Variants in CEP78 observed in about 807,000 individuals in gnomAD.
CEP78 encodes the protein centrosomal protein of 78 kDa.
A neutral mutation model predicts 81.2 loss-of-function variants in CEP78; 76 were observed. That is an observed-to-expected ratio of 0.94 (90% CI 0.78 to 1.13). The LOEUF (loss-of-function observed/expected upper bound fraction) is 1.13, where lower values mean the gene tolerates loss of function less well. Ranked by LOEUF, CEP78 falls within the 50% of genes most tolerant of loss-of-function variation. The pLI, the probability that CEP78 is intolerant of heterozygous loss-of-function variation, is 0.00. For synonymous variants in CEP78, 293 were observed against 301.4 expected (o/e 0.97, Z 0.29); for missense variants, 918 against 846.8 (o/e 1.08, Z -1.04).
chr9:78,241,272 G>A (rs2118133997), intron 3 of CEP78, among the ~76,000 whole-genome samples: 1 of 152,202 alleles, frequency 6.6e-6, no homozygotes, highest in South Asian at 2.1e-4. Context: ...TAGTACATTA[G>A]GTGCTCTAGT....
chr9:78,250,973 G>A (rs1563985834), intron 8 of CEP78, among the ~76,000 whole-genome samples: 1 of 152,146 alleles, frequency 6.6e-6, no homozygotes, highest in African/African-American at 2.4e-5. Context: ...TCTTGTAGAT[G>A]CTGTCCTAAA....
intron 1 of CEP78, among the ~76,000 whole-genome samples, chr9:78,238,299 G>A (rs889885643): frequency 6.6e-6 from 1 of 152,172 alleles, no homozygotes; most frequent in African/African-American, 2.4e-5. Context: ...ATGAGATTGG[G>A]GGTGGGAGGA....
chr9:78,268,891 C>G (rs1184768926), intron 16 of CEP78, among the ~76,000 whole-genome samples: 1 of 152,110 alleles, frequency 6.6e-6, no homozygotes, highest in East Asian at 1.9e-4. Flanking sequence ...CTCCTGACCT[C>G]GTGATCCACC....
chr9:78,263,480 T>A lies in CEP78; in HGVS notation c.1458+496T>A, dbSNP rs182782762. Among the ~76,000 whole-genome samples, 17 of 152,316 alleles carry A rather than the reference T, an allele frequency of 1.1e-4. 1 individual carries two copies. In the East Asian group the frequency reaches 3.3e-3, roughly 29 times the overall value. Reference sequence around the variant, plus strand: ...TAAACTAGAAAGTTCTACATAACTATAATTTATTATTACAAAGCAAGTTTA... The same window carrying A: ...TAAACTAGAAAGTTCTACATAACTAAAATTTATTATTACAAAGCAAGTTTA... On this transcript the variant is annotated intron_variant, in intron 12 of 16. Coordinates refer to ENST00000643273, the MANE Select transcript of CEP78 (RefSeq NM_001330691.3).
At chr9:78,250,420 G>A (rs1279322749) in intron 8 of CEP78, 2 of 388,324 alleles carry the variant, frequency 5.2e-6, no homozygotes, top group African/African-American at 4.1e-5. Context: ...AACAAGATAA[G>A]TAAATTAGTT....
rs1448368430 is a variant in CEP78, at chr9:78,243,447, A to C, written c.604-15A>C. ...TATCCAAGTGTATTAATTTCATCTT[A>C]TTAAATCTTTGAAGTATCAGACCAT... On this transcript the variant is annotated splice_polypyrimidine_tract_variant and intron_variant, in intron 4 of 16. Transcript: ENST00000643273. 6.2e-7 allele frequency: 1 copy of C among 1,606,752 alleles called. No homozygotes were observed. The highest frequency in any genetic ancestry group is 1.1e-5 in the South Asian group (1 of 90,070).
At chr9:78,257,243 A>G (rs943813150) in intron 11 of CEP78, among the ~76,000 whole-genome samples, 1 of 152,208 alleles carries the variant, frequency 6.6e-6, no homozygotes, top group Non-Finnish European at 1.5e-5. Context: ...CATAAAAACC[A>G]GACTTTATTA....
At chr9:78,242,279 C>T (rs1276025778) in intron 4 of CEP78, among the ~76,000 whole-genome samples, 1 of 152,100 alleles carries the variant, frequency 6.6e-6, no homozygotes, top group Non-Finnish European at 1.5e-5. Flanking sequence ...ACACCCTACA[C>T]TAGGAGAGTT....
rs994810123 is a variant in CEP78 at position 78,243,512 on chromosome 9, T to C, written c.654T>C (p.Tyr218=). 31 of 1,613,792 alleles carry C rather than the reference T, an allele frequency of 1.9e-5. No individual in the cohort carries two copies. Among genetic ancestry groups the C allele is most frequent in the Non-Finnish European group, 2.5e-5 (30 of 1,179,830 alleles). The change falls in exon 5 of 17, where the codon TAT becomes TAC. Residue 218 remains tyrosine (Y), a synonymous_variant. Transcript: ENST00000643273. ...HEETWAESLR[Y]RRPDLDCMAG... ...AAACCTGGGCTGAGAGTCTTCGCTA[T>C]AGGAGACCTGATCTTGACTGTATGG...
Position 78,253,254 on chromosome 9 carries a change from C to A in CEP78, c.1228C>A (p.Arg410Ser), listed in dbSNP as rs200567472. 4.5e-5 allele frequency: 62 copies of A among 1,386,140 alleles called. 2 individuals are homozygous for A. In the South Asian group the frequency reaches 7.4e-4, roughly 17 times the overall value. 85.9% of individuals were successfully genotyped at this position (1,386,140 alleles called of 1,614,324 possible). A position where few individuals can be genotyped will look rare whatever the true frequency, so the allele number is the denominator to read the frequency against. Residue 410 changes from arginine (R) to serine (S), a missense_variant, in exon 10 of 17, where the codon CGT becomes AGT. Arg to Ser is a moderately radical substitution (Grantham distance 110). Coordinates refer to ENST00000643273, the MANE Select transcript of CEP78 (RefSeq NM_001330691.3). ...TAGGGGTTTCCCATTAATCAAAACA[C>A]GTGATATATGTAATCAGTTGCAGGT... ...RHRGFPLIKT[R>S]DICNQLQQPG...
intron 3 of CEP78, among the ~76,000 whole-genome samples, chr9:78,240,566 C>T (rs1826179288): frequency 6.6e-6 from 1 of 152,170 alleles, no homozygotes; most frequent in Non-Finnish European, 1.5e-5. Flanking sequence ...TGTGTTAAAC[C>T]ACAGACCACA....
intron 16 of CEP78, among the ~76,000 whole-genome samples, chr9:78,270,336 T>C (rs10118220): frequency 0.012 from 1,839 of 152,332 alleles, 40 homozygotes; most frequent in African/African-American, 0.043. Flanking sequence ...TGTGGATATT[T>C]TGCTGCTTAA....
Position 78,266,525 on chromosome 9 carries a change from A to T in CEP78, c.1929A>T (p.Gly643=). 2 of 1,613,900 alleles carry T rather than the reference A, an allele frequency of 1.2e-6. No individual in the cohort carries two copies. The highest frequency in any genetic ancestry group is 1.7e-6 in the Non-Finnish European group (2 of 1,179,848). The change falls in exon 16 of 17, where the codon GGA becomes GGT. Residue 643 remains glycine, a synonymous_variant. Coordinates refer to ENST00000643273, the MANE Select transcript of CEP78 (RefSeq NM_001330691.3). ...CAGTTTCTACTCCAGAGGGCTTAGG[A>T]ACTTCCAGCAACAACCTAGGAGTCC... The part of the protein sequence containing the change: ...PVPVSTPEGL[G]TSSNNLGVPA...
chr9:78,279,561 A>C lies in CEP78; in HGVS notation c.*8710A>C, dbSNP rs1318982586. On this transcript the variant is annotated 3_prime_UTR_variant, in exon 17 of 17. Transcript: ENST00000643273. The stretch of plus-strand genomic sequence containing the variant: ...AGGGCTTCAAGTAGCACAAGGCAAA[A>C]GCAGGATTTGTTGACTTCCAAACCT... 1 of 152,258 alleles carries C rather than the reference A, an allele frequency of 6.6e-6. No homozygotes were observed. The allele number at this position is 152,258 out of a possible 1,614,324, so 9.4% of individuals were successfully genotyped here.
At chr9:78,236,969 CTTTTTTTT>C (rs71360676) in intron 1 of CEP78, among the ~76,000 whole-genome samples, 5,844 of 61,806 alleles carry the variant, frequency 0.095, 182 homozygotes, top group Admixed American at 0.2. Flanking sequence ...CAGCCTTTGT[CTTTTTTTT>C]TTTTTTTTTT....
In CEP78 at chr9:78,248,285, C is replaced by G. The variant is rs752448586; in HGVS notation, c.893-6C>G. 2.7e-6 allele frequency: 4 copies of G among 1,497,780 alleles called. No homozygotes were observed. The highest frequency in any genetic ancestry group is 3.7e-6 in the Non-Finnish European group (4 of 1,075,924). 92.8% of individuals were successfully genotyped at this position (1,497,780 alleles called of 1,614,324 possible). A position where few individuals can be genotyped will look rare whatever the true frequency, so the allele number is the denominator to read the frequency against. ...TACTATAATTTCAATTTTTATTTTA[C>G]TTTAGATCATTCTATGATGAAAGCA... On this transcript the variant is annotated splice_polypyrimidine_tract_variant and splice_region_variant and intron_variant, in intron 6 of 16. Transcript: ENST00000643273.
Position 78,266,656 on chromosome 9 carries a change from A to T in CEP78, c.2060A>T (p.Glu687Val), listed in dbSNP as rs1427328564. ...ACTGGAAGTCAAAGAAAAGAAGAGG[A>T]GTTGTCCAGAAATAGCAGATCTTCT... ...SGTGSQRKEE[E>V]LSRNSRSSSE... Residue 687 changes from glutamate (E) to valine (V), a missense_variant, in exon 16 of 17, where the codon GAG (glutamate) becomes GTG (valine). Physicochemically the swap from Glu to Val is moderately radical, Grantham distance 121. Transcript: ENST00000643273. 1 of 1,612,252 alleles carries T rather than the reference A, an allele frequency of 6.2e-7. No individual in the cohort carries two copies. Among genetic ancestry groups the T allele is most frequent in the Admixed American group, 1.7e-5 (1 of 59,698 alleles).
rs1323780028 is a variant in CEP78 at position 78,273,275 on chromosome 9, T to C, written c.*2424T>C. On this transcript the variant is annotated 3_prime_UTR_variant, in exon 17 of 17. Transcript: ENST00000643273. ...AACGCTGTCATAGATTATAAAGAGA[T>C]GAACAAAAATATACCAGGCAGATGC... The C allele has an allele frequency of 1.3e-5, 2 of 152,140 alleles. No homozygotes were observed. Among genetic ancestry groups the C allele is most frequent in the African/African-American group, 4.8e-5 (2 of 41,432 alleles). The allele number at this position is 152,140 out of a possible 1,614,324, so 9.4% of individuals were successfully genotyped here. A position where few individuals can be genotyped will look rare whatever the true frequency, so the allele number is the denominator to read the frequency against.
intron 16 of CEP78, 67 bp downstream of exon 16, chr9:78,266,770 G>T: frequency 6.4e-7 from 1 of 1,567,632 alleles, no homozygotes. Context: ...TGATCTGACT[G>T]TCCTGAAAAC....
Sources: allele counts gnomAD v4.1 joint callset (sites outside exome capture counted in the v4.1 genomes callset), GRCh38; gene constraint gnomAD v4.1.1; transcripts MANE v1.5; gene names NCBI Gene and HGNC (gene_info 2026-07-23, HGNC 2026-07-21).